CDK14: variants seen among roughly 807,000 people sequenced by gnomAD.
CDK14 encodes cyclin dependent kinase 14.
In CDK14, 34 loss-of-function variants were observed where a neutral mutation model predicts 60.7. That is an observed-to-expected ratio of 0.56 (90% CI 0.43 to 0.75). The LOEUF (loss-of-function observed/expected upper bound fraction) is 0.75, where lower values mean the gene tolerates loss of function less well. CDK14 is among the 30% of genes least tolerant of loss of function. The probability of loss-of-function intolerance (pLI) is 0.00; values close to 1 mark genes in which losing one functional copy is unlikely to be tolerated. For missense variants in CDK14, 482 were observed against 564.1 expected (o/e 0.85, Z 1.47); for synonymous variants, 197 against 203.7 (o/e 0.97, Z 0.28).
At chr7:90,606,765 T>C (rs1799427388) in intron 2 of CDK14, among the ~76,000 whole-genome samples, 1 of 152,232 alleles carries the variant, frequency 6.6e-6, no homozygotes, top group African/African-American at 2.4e-5. Flanking sequence ...ATCTATTGAA[T>C]GTGAGTAAAT....
At chr7:90,763,238 T>G (rs557125070) in intron 4 of CDK14, among the ~76,000 whole-genome samples, 10 of 152,298 alleles carry the variant, frequency 6.6e-5, no homozygotes, top group African/African-American at 2.4e-4. Flanking sequence ...TTGTCGGTAA[T>G]TGACAGATTA....
chr7:91,139,155 C>T (rs570535514), intron 14 of CDK14, among the ~76,000 whole-genome samples: 5 of 152,196 alleles, frequency 3.3e-5, no homozygotes, highest in South Asian at 2.1e-4. Flanking sequence ...GAAATGCAGA[C>T]GGGAGCAAGT....
chr7:91,065,608 A>G (rs1352867088), intron 11 of CDK14, among the ~76,000 whole-genome samples: 1 of 152,188 alleles, frequency 6.6e-6, no homozygotes, highest in Non-Finnish European at 1.5e-5. Flanking sequence ...GTGTTCACTG[A>G]TGGCTTGGTT....
intron 14 of CDK14, among the ~76,000 whole-genome samples, chr7:91,178,711 T>G (rs1221976349): frequency 6.6e-6 from 1 of 151,740 alleles, no homozygotes; most frequent in Non-Finnish European, 1.5e-5. Flanking sequence ...GAAAAAATGC[T>G]CATCATCACT....
At position 91,208,713 on chromosome 7, in the gene CDK14, TAC is replaced by T. The variant is rs1440047422; in HGVS notation, c.*1580_*1581del. 6.6e-6 allele frequency: 1 copy of T among 152,342 alleles called. No individual in the cohort carries two copies. Among genetic ancestry groups the T allele is most frequent in the Non-Finnish European group, 1.5e-5 (1 of 68,026 alleles). 9.4% of individuals were successfully genotyped at this position (152,342 alleles called of 1,614,324 possible). On this transcript the variant is annotated 3_prime_UTR_variant, in exon 15 of 15. Transcript: ENST00000380050. ...AAAGCTTTTCTATAATCAAGCTCAA[TAC>T]ACCAAGGAAACTGGATCCAGAATTC...
At chr7:90,732,156 A>G (rs541149535) in intron 3 of CDK14, among the ~76,000 whole-genome samples, 58 of 152,124 alleles carry the variant, frequency 3.8e-4, no homozygotes, top group Non-Finnish European at 7.9e-4. Context: ...TGATTGGCTT[A>G]TGTTCAACCA....
At chr7:90,680,089 T>C (rs1031800080) in intron 2 of CDK14, among the ~76,000 whole-genome samples, 1 of 124,766 alleles carries the variant, frequency 8.0e-6, no homozygotes, top group Non-Finnish European at 1.7e-5. Flanking sequence ...TTAGTTTATA[T>C]ATATTTTTCG....
intron 4 of CDK14, among the ~76,000 whole-genome samples, chr7:90,762,829 A>G (rs1319499848): frequency 1.3e-5 from 2 of 152,082 alleles, no homozygotes; most frequent in Non-Finnish European, 2.9e-5. Flanking sequence ...CTAACAAAAA[A>G]CACAAAAATT....
intron 2 of CDK14, among the ~76,000 whole-genome samples, chr7:90,665,464 A>G (rs1800958584): frequency 6.6e-6 from 1 of 152,212 alleles, no homozygotes; most frequent in Non-Finnish European, 1.5e-5. Context: ...TATGCAATGG[A>G]TAGCAAACAA....
intron 7 of CDK14, among the ~76,000 whole-genome samples, chr7:90,915,291 T>C (rs1052276332): frequency 2.0e-5 from 3 of 151,952 alleles, no homozygotes; most frequent in Admixed American, 2.0e-4. Context: ...TACAAAAAAT[T>C]AGCTGGGCGT....
chr7:90,919,327 A>AT (rs1562828272), intron 8 of CDK14, among the ~76,000 whole-genome samples: 4 of 152,118 alleles, frequency 2.6e-5, no homozygotes, highest in Non-Finnish European at 5.9e-5. Flanking sequence ...ATAGGATTGT[A>AT]TGTTTGTGCT....
In CDK14 at chr7:90,959,181, C is replaced by A. The variant is rs185506888; in HGVS notation, c.947+3364C>A. The stretch of plus-strand genomic sequence containing the variant: ...AGGAAAACTGATAGAAAATAGTAGA[C>A]CCCAAATGCCCTTTTGTCTACGTGC... On this transcript the variant is annotated intron_variant, in intron 9 of 14. Coordinates refer to ENST00000380050, the MANE Select transcript of CDK14 (RefSeq NM_001287135.2). 6.6e-5 allele frequency among the ~76,000 whole-genome samples: 10 copies of A among 152,180 alleles called. No homozygotes were observed. The East Asian group carries it at 1.5e-3, about 23-fold the overall frequency.
rs1176385466 is a variant in CDK14, at chr7:90,819,024, T to C, written c.544+28372T>C. On this transcript the variant is annotated intron_variant, in intron 5 of 14. Coordinates refer to ENST00000380050, the MANE Select transcript of CDK14 (RefSeq NM_001287135.2). ...AATATATGGGCATTTTTTTAGTGATTTGATAAACCCGTGTGTTGCTTTTGG... is the reference window on the plus strand; with the variant it reads ...AATATATGGGCATTTTTTTAGTGATCTGATAAACCCGTGTGTTGCTTTTGG... 3.3e-5 allele frequency among the ~76,000 whole-genome samples: 5 copies of C among 152,094 alleles called. No homozygotes were observed. In the East Asian group the frequency reaches 9.6e-4, roughly 29 times the overall value.
chr7:90,606,189 G>A (rs530581325), intron 2 of CDK14, among the ~76,000 whole-genome samples: 3 of 152,248 alleles, frequency 2.0e-5, no homozygotes, highest in East Asian at 1.9e-4. Flanking sequence ...TCCAGAAGGG[G>A]CAAGTCATTT....
intron 11 of CDK14, among the ~76,000 whole-genome samples, chr7:91,053,825 A>G (rs1373282571): frequency 2.6e-5 from 4 of 152,158 alleles, no homozygotes; most frequent in African/African-American, 7.2e-5. Flanking sequence ...TCTTTGTGCC[A>G]TGATGTTGCC....
At chr7:90,823,079 G>A (rs566007379) in intron 5 of CDK14, among the ~76,000 whole-genome samples, 1 of 152,278 alleles carries the variant, frequency 6.6e-6, no homozygotes, top group South Asian at 2.1e-4. Context: ...AATAGAAATA[G>A]AGGAATCATA....
At chr7:91,157,932 C>T (rs574492705) in intron 14 of CDK14, among the ~76,000 whole-genome samples, 2 of 151,994 alleles carry the variant, frequency 1.3e-5, no homozygotes, top group Admixed American at 6.6e-5. Flanking sequence ...CTATCATGGC[C>T]ACAGGAGCTT....
rs559252940 is a variant in CDK14, at chr7:91,101,413, G to A, written c.1155-11129G>A. On this transcript the variant is annotated intron_variant, in intron 12 of 14. Coordinates refer to ENST00000380050, the MANE Select transcript of CDK14 (RefSeq NM_001287135.2). Reference sequence around the variant, plus strand: ...ATTCTAATATAGCATTGGCTGTCAAGTGAGCTGACCATTATGGGAATGAGT... The same window carrying A: ...ATTCTAATATAGCATTGGCTGTCAAATGAGCTGACCATTATGGGAATGAGT... 1.0e-3 allele frequency among the ~76,000 whole-genome samples: 152 copies of A among 152,328 alleles called. 1 individual carries two copies. Among genetic ancestry groups the A allele is most frequent in the African/African-American group, 3.5e-3 (147 of 41,578 alleles).
At chr7:90,732,205 G>T (rs566159591) in intron 3 of CDK14, among the ~76,000 whole-genome samples, 1 of 152,270 alleles carries the variant, frequency 6.6e-6, no homozygotes, top group Admixed American at 6.5e-5. Flanking sequence ...TGATCATGGT[G>T]GATAAGCTTT....
Sources: gnomAD v4.1 joint callset for allele counts (sites outside exome capture counted in the v4.1 genomes callset) on GRCh38, gnomAD v4.1.1 for gene constraint, MANE v1.5 for transcripts, NCBI Gene and HGNC (gene_info 2026-07-23, HGNC 2026-07-21) for gene names.